Variants in ECT2 observed in about 807,000 individuals in gnomAD.
ECT2 encodes the protein protein ECT2.
Under a neutral mutation model 116.9 loss-of-function variants are expected in ECT2, and 61 were observed. The observed-to-expected ratio is 0.52, with a 90% CI of 0.42 to 0.65. The LOEUF (loss-of-function observed/expected upper bound fraction) is 0.65. Ranked by LOEUF, ECT2 falls within the 30% of genes least tolerant of loss-of-function variation. The pLI is 0.00. For missense variants in ECT2, 937 were observed against 1,078.7 expected, an observed-to-expected ratio of 0.87 and a Z score of 1.84; for synonymous variants, 358 against 346.4, an observed-to-expected ratio of 1.03 and a Z score of -0.37.
intron 6 of ECT2, 33 bp downstream of exon 6, chr3:172,759,102 T>G (rs747843823): frequency 2.8e-6 from 4 of 1,442,948 alleles, no homozygotes; most frequent in Non-Finnish European, 3.8e-6. Context: ...AAAGCGTATT[T>G]TTTACAGCAA....
the ECT2 span, among the ~76,000 whole-genome samples, chr3:172,826,662 A>G: frequency 1.3e-5 from 2 of 152,356 alleles, no homozygotes; most frequent in African/African-American, 2.4e-5. Flanking sequence ...AGAGGAAGTC[A>G]ACTACTGTGG....
chr3:172,818,419 T>C (rs1730132175), intron 24 of ECT2: 1 of 454,188 alleles, frequency 2.2e-6, no homozygotes, highest in African/African-American at 2.1e-5. Context: ...ATGAATTTTA[T>C]AGAAAATTTT....
In ECT2 at chr3:172,795,970, C is replaced by T. The variant is rs150825381; in HGVS notation, c.1908-6646C>T. Among the ~76,000 whole-genome samples the T allele has an allele frequency of 2.4e-3, 367 of 151,950 alleles. 2 individuals are homozygous for T. The highest frequency in any genetic ancestry group is 8.5e-3 in the African/African-American group (351 of 41,434). On this transcript the variant is annotated intron_variant, in intron 18 of 24. Transcript: ENST00000392692. ...AAAAACAATGATTTTGTCAAATTCA[C>T]AGGTTATTTAAAGTTTGTTTCAAAA...
intron 5 of ECT2, among the ~76,000 whole-genome samples, chr3:172,758,582 T>C (rs994746578): frequency 4.6e-5 from 7 of 152,280 alleles, no homozygotes; most frequent in African/African-American, 1.7e-4. Context: ...GTGTGTGTAT[T>C]ATATTTACTC....
chr3:172,795,418 G>GT (rs1725459974), intron 18 of ECT2, among the ~76,000 whole-genome samples: 2 of 151,652 alleles, frequency 1.3e-5, no homozygotes, highest in South Asian at 2.1e-4. Context: ...GCTGCTAAAT[G>GT]TTTTAAAGTC....
In ECT2 at chr3:172,760,228, T is replaced by C. The variant is rs141297132; in HGVS notation, c.649T>C (p.Leu217=). ...AGACTTTAATTCAAAAGTTACACAT[T>C]TGGTGGCAAATTGTACACAAGGAGA... ...RKDFNSKVTH[L]VANCTQGEKF... is the part of the protein sequence containing the mutation. The change falls in exon 7 of 25, where the codon TTG becomes CTG. Residue 217 remains leucine (L), a synonymous_variant. Coordinates refer to ENST00000392692, the MANE Select transcript of ECT2 (RefSeq NM_001258315.2). 1.5e-5 allele frequency: 24 copies of C among 1,611,888 alleles called. No homozygotes were observed. In the African/African-American group the frequency reaches 3.2e-4, roughly 22 times the overall value.
chr3:172,792,971 C>T (rs529904265), intron 18 of ECT2, among the ~76,000 whole-genome samples: 3 of 152,118 alleles, frequency 2.0e-5, no homozygotes, highest in Non-Finnish European at 2.9e-5. Context: ...CTGCCTGCCT[C>T]GGCCTCCCAG....
intron 22 of ECT2, among the ~76,000 whole-genome samples, chr3:172,809,552 AAT>A (rs1728374421): frequency 7.3e-6 from 1 of 136,588 alleles, no homozygotes; most frequent in African/African-American, 2.7e-5. Context: ...CTGTGAAGAT[AAT>A]GTGTGTGTAT....
At chr3:172,773,858 T>C in intron 13 of ECT2, 45 bp from the exon 14 acceptor site, 1 of 1,580,720 alleles carries the variant, frequency 6.3e-7, no homozygotes, top group Non-Finnish European at 8.7e-7. Context: ...TTAGCTCTTT[T>C]CTTTTTCCCA....
intron 13 of ECT2, 97 bp downstream of exon 13, chr3:172,769,240 A>T: frequency 1.6e-6 from 2 of 1,212,502 alleles, no homozygotes; most frequent in Middle Eastern, 2.4e-4. Context: ...TTATATAAAC[A>T]TAGTATTTGA....
chr3:172,809,589 ACACACACACG>A (rs1429756967), intron 22 of ECT2, among the ~76,000 whole-genome samples: 5 of 149,318 alleles, frequency 3.3e-5, no homozygotes, highest in African/African-American at 1.3e-4. Flanking sequence ...ACACACACAC[ACACACACACG>A]CACACACACA....
At position 172,760,169 on chromosome 3, in the gene ECT2, C is replaced by T; in HGVS notation, c.590C>T (p.Thr197Ile). The T allele has an allele frequency of 6.2e-7, 1 of 1,606,090 alleles. No homozygotes were observed. Among genetic ancestry groups the T allele is most frequent in the Non-Finnish European group, 8.5e-7 (1 of 1,176,116 alleles). Reference sequence around the variant, plus strand: ...TTTTCTTTTGAGGTCAGGTTGGTGACATTGGTCCATCACATGGGTGGAGTT... The same window carrying T: ...TTTTCTTTTGAGGTCAGGTTGGTGATATTGGTCCATCACATGGGTGGAGTT... ...RKKEELVRLVTLVHHMGGVIR... is the reference protein window; with the variant it reads ...RKKEELVRLVILVHHMGGVIR... Residue 197 changes from threonine to isoleucine, a missense_variant, in exon 7 of 25, where the codon ACA (threonine) becomes ATA (isoleucine). Coordinates refer to ENST00000392692, the MANE Select transcript of ECT2 (RefSeq NM_001258315.2).
intron 15 of ECT2, 131 bp from the exon 16 acceptor site, chr3:172,783,668 A>G: frequency 1.6e-6 from 1 of 617,048 alleles, no homozygotes. Flanking sequence ...GTTCTCAAAC[A>G]TAGAAATTTA....
chr3:172,782,217 AT>A lies in ECT2; in HGVS notation c.1608del (p.Leu537Ter). 4 of 1,564,978 alleles carry A rather than the reference AT, an allele frequency of 2.6e-6. No individual in the cohort carries two copies. Among genetic ancestry groups the A allele is most frequent in the East Asian group, 2.3e-5 (1 of 43,148 alleles). ...GGATGAGAGCAAAAGCATTGGTGACATTTTTCTGAAATATGTAAGTATTGTA... is the reference window on the plus strand; with the variant it reads ...GGATGAGAGCAAAAGCATTGGTGACATTTTCTGAAATATGTAAGTATTGTA... Reference protein sequence around the residue: ...NWDESKSIGDIFLKYSKDLVK... With the variant: ...NWDESKSIGDXFLKYSKDLVK... On this transcript the variant is annotated frameshift_variant, in exon 15 of 25. Transcript: ENST00000392692. LOFTEE classifies it high-confidence loss of function.
chr3:172,804,358 A>G (rs768132640), intron 20 of ECT2, among the ~76,000 whole-genome samples: 18 of 152,170 alleles, frequency 1.2e-4, no homozygotes, highest in Non-Finnish European at 2.1e-4. Flanking sequence ...TCATGTTGCA[A>G]AAAGCACAAA....
At chr3:172,793,115 C>T (rs1041913220) in intron 18 of ECT2, among the ~76,000 whole-genome samples, 10 of 152,308 alleles carry the variant, frequency 6.6e-5, no homozygotes, top group African/African-American at 2.2e-4. Context: ...AGAGCTTCCA[C>T]ATCCTTACCA....
rs573761785 is a variant in ECT2 at position 172,781,261 on chromosome 3, T to C, written c.1549-902T>C. The stretch of plus-strand genomic sequence containing the variant: ...TATTGTAGTTTTTTTACTGTCTGGC[T>C]TAATAGAAGACTGATTATCATATCT... On this transcript the variant is annotated intron_variant, in intron 14 of 24. Transcript: ENST00000392692. 5.3e-5 allele frequency among the ~76,000 whole-genome samples: 8 copies of C among 152,334 alleles called. No individual in the cohort carries two copies. In the South Asian group the frequency reaches 1.4e-3, roughly 28 times the overall value.
At chr3:172,824,226 A>T (rs1428702523), downstream of ECT2, among the ~76,000 whole-genome samples, 1 of 152,214 alleles carries the variant, frequency 6.6e-6, no homozygotes, top group African/African-American at 2.4e-5. Context: ...CTGAGACTGG[A>T]TAATTTATAA....
rs561353480 is a variant in ECT2, at chr3:172,802,548, G to A, written c.1908-68G>A. On this transcript the variant is annotated intron_variant, in intron 18 of 24. Coordinates refer to ENST00000392692, the MANE Select transcript of ECT2 (RefSeq NM_001258315.2). ...GACATTCACATCAAACACAACTTGT[G>A]ACATGAGTTGTGTTTGTTGTAGTTT... 11 of 950,604 alleles carry A rather than the reference G, an allele frequency of 1.2e-5. No homozygotes were observed. The East Asian group carries it at 1.9e-4, about 16-fold the overall frequency. 58.9% of individuals were successfully genotyped at this position (950,604 alleles called of 1,614,324 possible).
Sources: gnomAD v4.1 joint callset for allele counts (sites outside exome capture counted in the v4.1 genomes callset) on GRCh38, gnomAD v4.1.1 for gene constraint, MANE v1.5 for transcripts, NCBI Gene and HGNC (gene_info 2026-07-23, HGNC 2026-07-21) for gene names.